Variants in LRRC3B observed in about 807,000 individuals in gnomAD.
The protein encoded by LRRC3B is leucine-rich repeat-containing protein 3B.
A neutral mutation model predicts 12.8 loss-of-function variants in LRRC3B; 2 were observed. That is an observed-to-expected ratio of 0.16 (90% confidence interval 0.06 to 0.49). The LOEUF (loss-of-function observed/expected upper bound fraction) is 0.49, where lower values mean the gene tolerates loss of function less well. LRRC3B is among the 20% of genes least tolerant of loss of function. The pLI, the probability that LRRC3B is intolerant of heterozygous loss-of-function variation, is 0.96. For synonymous variants in LRRC3B, 132 were observed against 122.0 expected (o/e 1.08, Z -0.54); for missense variants, 189 against 319.4 (o/e 0.59, Z 3.11).
chr3:26,658,592 T>C (rs1559357667), intron 1 of LRRC3B, among the ~76,000 whole-genome samples: 3 of 152,232 alleles, frequency 2.0e-5, no homozygotes, highest in Admixed American at 6.5e-5. Context: ...GTCCTGTTCT[T>C]ATCAAAGCCT....
At chr3:26,661,633 T>C (rs1699493897) in intron 1 of LRRC3B, among the ~76,000 whole-genome samples, 1 of 152,208 alleles carries the variant, frequency 6.6e-6, no homozygotes, top group Non-Finnish European at 1.5e-5. Context: ...GCCAACTTTA[T>C]AGAATAAAAC....
Position 26,668,822 on chromosome 3 carries a change from T to C in LRRC3B, c.-160-40691T>C, listed in dbSNP as rs1423991750. Among the ~76,000 whole-genome samples the C allele has an allele frequency of 2.0e-5, 3 of 152,328 alleles. 1 individual carries two copies. Among genetic ancestry groups the C allele is most frequent in the Middle Eastern group, 6.8e-3 (2 of 294 alleles). ...TCCTCTGGCTCCTTTTCAATGCATATAGACTGCAAATTTTGCTGAATATCA... is the reference window on the plus strand; with the variant it reads ...TCCTCTGGCTCCTTTTCAATGCATACAGACTGCAAATTTTGCTGAATATCA... On this transcript the variant is annotated intron_variant, in intron 1 of 1. Coordinates refer to ENST00000396641, the Ensembl canonical transcript of LRRC3B.
At chr3:26,701,111 AT>A (rs1448582306) in intron 1 of LRRC3B, 1 of 152,176 alleles carries the variant, frequency 6.6e-6, no homozygotes, top group Non-Finnish European at 1.5e-5. Flanking sequence ...AACTCAGTTA[AT>A]TTAAACCAAA....
intron 1 of LRRC3B, among the ~76,000 whole-genome samples, chr3:26,641,927 A>G (rs1699039797): frequency 6.6e-6 from 1 of 152,220 alleles, no homozygotes; most frequent in Non-Finnish European, 1.5e-5. Context: ...TATTCACCAT[A>G]TTAAAAATTA....
intron 1 of LRRC3B, among the ~76,000 whole-genome samples, chr3:26,676,088 AATT>A (rs1000899161): frequency 6.7e-6 from 1 of 149,688 alleles, no homozygotes; most frequent in Non-Finnish European, 1.5e-5. Flanking sequence ...CTTTTTTTTT[AATT>A]ATTATTAATA....
At chr3:26,702,143 G>A (rs1326523617) in intron 1 of LRRC3B, among the ~76,000 whole-genome samples, 3 of 152,144 alleles carry the variant, frequency 2.0e-5, no homozygotes, top group Non-Finnish European at 4.4e-5. Context: ...GGAACCTCAT[G>A]GTCTAGCAGT....
At chr3:26,625,723 T>C (rs1209819302) in intron 1 of LRRC3B, among the ~76,000 whole-genome samples, 1 of 152,208 alleles carries the variant, frequency 6.6e-6, no homozygotes, top group Admixed American at 6.5e-5. Context: ...GCTGAACTGT[T>C]CTGGGGAGAC....
intron 1 of LRRC3B, chr3:26,694,411 T>C (rs763320041): frequency 6.6e-6 from 1 of 152,106 alleles, no homozygotes; most frequent in Non-Finnish European, 1.5e-5. Context: ...TTCAGACTTA[T>C]GACTTCATAA....
chr3:26,686,019 G>A lies in LRRC3B; in HGVS notation c.-160-23494G>A, dbSNP rs560399966. ...TACTTGTTCATTAATAGACTCGGCC[G>A]TGGTATAGGATTCATATAGACTATA... On this transcript the variant is annotated intron_variant, in intron 1 of 1. Transcript: ENST00000396641. 6.6e-5 allele frequency among the ~76,000 whole-genome samples: 10 copies of A among 152,214 alleles called. No homozygotes were observed. In the South Asian group the frequency reaches 1.7e-3, roughly 25 times the overall value.
chr3:26,634,541 A>C (rs1698824929), intron 1 of LRRC3B, among the ~76,000 whole-genome samples: 2 of 152,152 alleles, frequency 1.3e-5, no homozygotes, highest in Non-Finnish European at 2.9e-5. Flanking sequence ...TTCTGCATGG[A>C]TTCAGGGTGA....
intron 1 of LRRC3B, among the ~76,000 whole-genome samples, chr3:26,663,707 TG>T (rs1378707980): frequency 1.3e-5 from 2 of 152,234 alleles, no homozygotes; most frequent in African/African-American, 4.8e-5. Flanking sequence ...AACATGGAAA[TG>T]GTTATGACTA....
intron 1 of LRRC3B, among the ~76,000 whole-genome samples, chr3:26,639,629 C>A (rs1188712140): frequency 2.0e-5 from 3 of 151,998 alleles, no homozygotes; most frequent in African/African-American, 7.2e-5. Context: ...CACATGTGGC[C>A]AGTGATTACT....
At chr3:26,629,863 G>A (rs1698716283) in intron 1 of LRRC3B, among the ~76,000 whole-genome samples, 1 of 151,782 alleles carries the variant, frequency 6.6e-6, no homozygotes, top group African/African-American at 2.4e-5. Context: ...AAAGGGGTAT[G>A]GTGTGTGGCC....
At chr3:26,680,576 C>A (rs985724349) in intron 1 of LRRC3B, among the ~76,000 whole-genome samples, 1 of 152,212 alleles carries the variant, frequency 6.6e-6, no homozygotes, top group Non-Finnish European at 1.5e-5. Context: ...TCCCCAACGC[C>A]TCTCCGTCAT....
chr3:26,628,543 A>C (rs1201707277), intron 1 of LRRC3B, among the ~76,000 whole-genome samples: 1 of 151,756 alleles, frequency 6.6e-6, no homozygotes, highest in Admixed American at 6.6e-5. Flanking sequence ...AAGATTAATA[A>C]ATTTTGTATT....
chr3:26,629,699 C>T (rs1698711913), intron 1 of LRRC3B, among the ~76,000 whole-genome samples: 1 of 152,156 alleles, frequency 6.6e-6, no homozygotes, highest in South Asian at 2.1e-4. Context: ...TATTTTCCTG[C>T]TGCTATGTGT....
intron 1 of LRRC3B, among the ~76,000 whole-genome samples, chr3:26,651,577 A>G (rs1354678439): frequency 6.6e-6 from 1 of 152,120 alleles, no homozygotes; most frequent in Non-Finnish European, 1.5e-5. Flanking sequence ...CATAAAGTCA[A>G]TACTCAATAA....
At chr3:26,702,110 G>A (rs756929877) in intron 1 of LRRC3B, among the ~76,000 whole-genome samples, 1 of 152,138 alleles carries the variant, frequency 6.6e-6, no homozygotes, top group Non-Finnish European at 1.5e-5. Flanking sequence ...TGTAAAATGG[G>A]TAAAACAGTG....
intron 1 of LRRC3B, among the ~76,000 whole-genome samples, chr3:26,680,258 A>T (rs1699944837): frequency 6.6e-6 from 1 of 152,124 alleles, no homozygotes; most frequent in Non-Finnish European, 1.5e-5. Flanking sequence ...TCCCAGTAAA[A>T]ACACCCATTG....
Sources: gnomAD v4.1 joint callset for allele counts (sites outside exome capture counted in the v4.1 genomes callset) on GRCh38, gnomAD v4.1.1 for gene constraint, MANE v1.5 for transcripts, NCBI Gene and HGNC (gene_info 2026-07-23, HGNC 2026-07-21) for gene names.